Variants in GRK4 observed in about 807,000 individuals in gnomAD.
GRK4 encodes the protein G protein-coupled receptor kinase 2-like.
GRK4 carries 73 observed loss-of-function variants against 77.9 expected under a neutral mutation model. That is an observed-to-expected ratio of 0.94 (90% CI 0.78 to 1.14). The LOEUF is 1.14. Ranked by LOEUF, GRK4 falls within the 50% of genes most tolerant of loss-of-function variation. The pLI is 0.00. For synonymous variants in GRK4, 257 were observed against 254.4 expected (o/e 1.01, Z -0.10); for missense variants, 729 against 700.2 (o/e 1.04, Z -0.46).
chr4:3,036,811 G>A (rs887081551), intron 13 of GRK4, among the ~76,000 whole-genome samples: 1 of 152,194 alleles, frequency 6.6e-6, no homozygotes, highest in African/African-American at 2.4e-5. Flanking sequence ...GGGAGCTGCT[G>A]CTGTTCCTCA....
chr4:3,018,651 G>T (rs752192970), intron 8 of GRK4, among the ~76,000 whole-genome samples: 5 of 152,340 alleles, frequency 3.3e-5, no homozygotes, highest in Admixed American at 6.5e-5. Flanking sequence ...GCCGAGGCAG[G>T]TGGATCACTT....
intron 6 of GRK4, among the ~76,000 whole-genome samples, chr4:3,008,717 C>T (rs1326056079): frequency 1.3e-5 from 2 of 151,014 alleles, no homozygotes; most frequent in East Asian, 2.0e-4. Context: ...CAGGAGAAAT[C>T]GCCTGAACCC....
At chr4:2,988,168 C>A (rs547031808) in intron 2 of GRK4, among the ~76,000 whole-genome samples, 2 of 151,836 alleles carry the variant, frequency 1.3e-5, no homozygotes, top group African/African-American at 4.8e-5. Flanking sequence ...AAACCACTGC[C>A]CTGTGTTACA....
At chr4:2,987,759 G>C (rs552708734) in intron 2 of GRK4, among the ~76,000 whole-genome samples, 2 of 152,050 alleles carry the variant, frequency 1.3e-5, no homozygotes, top group East Asian at 3.9e-4. Context: ...TGGCCAACAT[G>C]GTGAAACCTG....
chr4:2,963,981 C>A lies in GRK4; in HGVS notation c.-90C>A. ...CGAGGAGAGGGTGGTGCCCGGCGAGCTATGCACGGGGGCGGCGGCGTCTCC... is the reference window on the plus strand; with the variant it reads ...CGAGGAGAGGGTGGTGCCCGGCGAGATATGCACGGGGGCGGCGGCGTCTCC... On this transcript the variant is annotated 5_prime_UTR_variant, in exon 1 of 16. Coordinates refer to ENST00000398052, the MANE Select transcript of GRK4 (RefSeq NM_182982.3). 1 of 1,173,680 alleles carries A rather than the reference C, an allele frequency of 8.5e-7. No individual in the cohort carries two copies. The highest frequency in any genetic ancestry group is 1.2e-6 in the Non-Finnish European group (1 of 800,738). 72.7% of individuals were successfully genotyped at this position (1,173,680 alleles called of 1,614,324 possible).
chr4:3,001,089 A>ATATATATATGTGTGTGTGTGTGTG, intron 4 of GRK4, among the ~76,000 whole-genome samples: 16 of 82,428 alleles, frequency 1.9e-4, no homozygotes, highest in Non-Finnish European at 2.5e-4. Context: ...ATATATATAT[A>ATATATATATGTGTGTGTGTGTGTG]TGTGTGTGTG....
intron 1 of GRK4, among the ~76,000 whole-genome samples, chr4:2,968,089 C>A (rs1368582917): frequency 6.6e-6 from 1 of 150,878 alleles, no homozygotes; most frequent in Admixed American, 6.6e-5. Context: ...CTGTGCCCGG[C>A]CTGTTTTGTT....
chr4:2,985,984 CAAAA>C (rs1181104072), intron 2 of GRK4, among the ~76,000 whole-genome samples: 1 of 91,696 alleles, frequency 1.1e-5, no homozygotes, highest in Non-Finnish European at 2.3e-5. Flanking sequence ...GACTCCGTCT[CAAAA>C]AAAAAAAAAA....
intron 7 of GRK4, 26 bp from the exon 8 acceptor site, chr4:3,013,662 C>G: frequency 6.3e-7 from 1 of 1,587,266 alleles, no homozygotes. Flanking sequence ...GGACATAAAC[C>G]TCCTTTATTT....
At chr4:2,982,414 A>C (rs2109540117) in intron 1 of GRK4, among the ~76,000 whole-genome samples, 1 of 152,366 alleles carries the variant, frequency 6.6e-6, no homozygotes, top group African/African-American at 2.4e-5. Context: ...AGTAGTGTAA[A>C]GTTGGGAGAA....
chr4:2,964,510 C>T (rs1716862939), intron 1 of GRK4, among the ~76,000 whole-genome samples: 1 of 152,134 alleles, frequency 6.6e-6, no homozygotes, highest in African/African-American at 2.4e-5. Context: ...TCTTTATGGT[C>T]TTAAGGGGGA....
chr4:2,964,956 A>AG (rs1491302261), intron 1 of GRK4, among the ~76,000 whole-genome samples: 10 of 152,006 alleles, frequency 6.6e-5, no homozygotes, highest in Non-Finnish European at 4.4e-5. Flanking sequence ...AAAAAAAAAA[A>AG]GAGGACAAAT....
At chr4:2,989,335 A>G (rs1445533235) in intron 3 of GRK4, among the ~76,000 whole-genome samples, 1 of 152,256 alleles carries the variant, frequency 6.6e-6, no homozygotes, top group Admixed American at 6.5e-5. Flanking sequence ...GGAGAATCAC[A>G]TGTAGTCATT....
chr4:3,038,519 A>T lies in GRK4; in HGVS notation c.1683+6A>T. 6.2e-7 allele frequency: 1 copy of T among 1,607,146 alleles called. No homozygotes were observed. The highest frequency in any genetic ancestry group is 8.5e-7 in the Non-Finnish European group (1 of 1,178,286). ...ATAGACTCTTCAGAAGAGGGGTAAA[A>T]AGACTTAAAAACTAATATATGTGTG... On this transcript the variant is annotated splice_donor_region_variant and intron_variant, in intron 15 of 15. Coordinates refer to ENST00000398052, the MANE Select transcript of GRK4 (RefSeq NM_182982.3).
chr4:3,026,680 C>T (rs1037893047), intron 10 of GRK4, among the ~76,000 whole-genome samples: 18 of 152,326 alleles, frequency 1.2e-4, no homozygotes, highest in Non-Finnish European at 2.9e-5. Context: ...CCCACGCCAT[C>T]GGGCTGGGTC....
chr4:3,015,420 T>C (rs1025246557), intron 8 of GRK4, among the ~76,000 whole-genome samples: 2 of 152,178 alleles, frequency 1.3e-5, no homozygotes, highest in African/African-American at 4.8e-5. Flanking sequence ...GCGCGGTGGC[T>C]CACGCCTGTA....
chr4:3,010,577 T>C (rs1000767505), intron 7 of GRK4, among the ~76,000 whole-genome samples: 6 of 152,092 alleles, frequency 3.9e-5, no homozygotes, highest in African/African-American at 1.4e-4. Flanking sequence ...CCACTGTAGT[T>C]GGTGGATGGA....
At chr4:2,979,894 C>T (rs1370757912) in intron 1 of GRK4, among the ~76,000 whole-genome samples, 3 of 152,154 alleles carry the variant, frequency 2.0e-5, no homozygotes, top group African/African-American at 7.2e-5. Flanking sequence ...AAAAATGGTC[C>T]AGTGTACCTG....
At chr4:3,005,582 C>T (rs1394378108) in intron 5 of GRK4, among the ~76,000 whole-genome samples, 1 of 152,036 alleles carries the variant, frequency 6.6e-6, no homozygotes, top group Non-Finnish European at 1.5e-5. Flanking sequence ...GCGGGCAGAT[C>T]GCTTGAGGCC....
Sources: allele counts gnomAD v4.1 joint callset (sites outside exome capture counted in the v4.1 genomes callset), GRCh38; gene constraint gnomAD v4.1.1; transcripts MANE v1.5; gene names NCBI Gene and HGNC (gene_info 2026-07-23, HGNC 2026-07-21).